Variants in CAMTA1 observed in about 807,000 individuals in gnomAD.
CAMTA1 encodes calmodulin binding transcription activator 1.
CAMTA1 carries 27 observed loss-of-function variants against 170.9 expected under a neutral mutation model. The observed-to-expected ratio is 0.16, with a 90% CI of 0.12 to 0.22. CAMTA1 has a LOEUF of 0.22. CAMTA1 is among the 10% of genes least tolerant of loss of function. The pLI is 1.00. For synonymous variants in CAMTA1, 833 were observed against 891.5 expected (o/e 0.93, Z 1.17); for missense variants, 1,619 against 2,217.2 (o/e 0.73, Z 5.42).
At chr1:6,806,971 T>A (rs1380755732) in intron 1 of CAMTA1, 2 of 555,758 alleles carry the variant, frequency 3.6e-6, no homozygotes, top group Non-Finnish European at 6.6e-6. Context: ...ACAAAGTGCC[T>A]ATCTGTGCCA....
Position 7,523,894 on chromosome 1 carries a change from T to A in CAMTA1, c.510+55993T>A, listed in dbSNP as rs544945792. Among the ~76,000 whole-genome samples the A allele has an allele frequency of 7.9e-3, 980 of 124,494 alleles. 12 individuals are homozygous for A. Among genetic ancestry groups the A allele is most frequent in the African/African-American group, 0.023 (735 of 32,540 alleles). 81.7% of individuals were successfully genotyped at this position (124,494 alleles called of 152,430 possible). ...TGAGACTCTATCTCGAAAAAAAAAA[T>A]AATAATAATAATAATTTCATTTTCT... is the stretch of plus-strand genomic sequence containing the variant. On this transcript the variant is annotated intron_variant, in intron 6 of 22. Coordinates refer to ENST00000303635, the MANE Select transcript of CAMTA1 (RefSeq NM_015215.4).
intron 3 of CAMTA1, among the ~76,000 whole-genome samples, chr1:7,076,057 G>A (rs1195175290): frequency 1.3e-5 from 2 of 152,140 alleles, no homozygotes; most frequent in South Asian, 2.1e-4. Context: ...TATGGCTTAT[G>A]TTCCCTTTAA....
chr1:7,260,770 C>T (rs1429751551), intron 5 of CAMTA1, among the ~76,000 whole-genome samples: 1 of 152,212 alleles, frequency 6.6e-6, no homozygotes, highest in Non-Finnish European at 1.5e-5. Flanking sequence ...GCTATTTGTC[C>T]ATGTTTAAGT....
At chr1:6,909,064 C>T (rs1210230509) in intron 3 of CAMTA1, among the ~76,000 whole-genome samples, 1 of 152,110 alleles carries the variant, frequency 6.6e-6, no homozygotes, top group African/African-American at 2.4e-5. Flanking sequence ...AATTTTTTTC[C>T]AATGGTGACA....
intron 5 of CAMTA1, among the ~76,000 whole-genome samples, chr1:7,298,837 G>T (rs1379507715): frequency 6.6e-6 from 1 of 152,146 alleles, no homozygotes; most frequent in Non-Finnish European, 1.5e-5. Context: ...AGTCCCTAAT[G>T]GGCTCAGAAG....
At chr1:6,875,436 C>T (rs1669558413) in intron 3 of CAMTA1, among the ~76,000 whole-genome samples, 1 of 152,128 alleles carries the variant, frequency 6.6e-6, no homozygotes, top group Non-Finnish European at 1.5e-5. Flanking sequence ...GCGCCCGCGA[C>T]CACACCTAGC....
At chr1:7,205,139 C>T (rs1326155907) in intron 4 of CAMTA1, among the ~76,000 whole-genome samples, 1 of 150,370 alleles carries the variant, frequency 6.7e-6, no homozygotes, top group Non-Finnish European at 1.5e-5. Flanking sequence ...CAGAGTTTCA[C>T]TCTTGTTGTC....
chr1:7,156,922 A>G (rs1646917766), intron 4 of CAMTA1, among the ~76,000 whole-genome samples: 2 of 152,226 alleles, frequency 1.3e-5, no homozygotes, highest in Admixed American at 6.5e-5. Context: ...AGGCCAGCAG[A>G]AACTGTAAGA....
At chr1:7,103,936 A>G (rs530982418) in intron 4 of CAMTA1, among the ~76,000 whole-genome samples, 1 of 149,576 alleles carries the variant, frequency 6.7e-6, no homozygotes, top group South Asian at 2.1e-4. Flanking sequence ...ACAACTACAC[A>G]CATACAGCAC....
chr1:7,091,245 C>A, intron 3 of CAMTA1, 59 bp from the exon 4 acceptor site: 1 of 1,268,938 alleles, frequency 7.9e-7, no homozygotes, highest in Non-Finnish European at 1.1e-6. Flanking sequence ...AACTTTCTTA[C>A]CTCTCAGGAT....
chr1:7,410,452 C>T lies in CAMTA1; in HGVS notation c.439-57378C>T, dbSNP rs978785459. On this transcript the variant is annotated intron_variant, in intron 5 of 22. Coordinates refer to ENST00000303635, the MANE Select transcript of CAMTA1 (RefSeq NM_015215.4). Reference sequence around the variant, plus strand: ...GTGGGTGCAGAGTGACACGTGGAGCCCATCTGATGGCTTTTGCGTTTGAAC... The same window carrying T: ...GTGGGTGCAGAGTGACACGTGGAGCTCATCTGATGGCTTTTGCGTTTGAAC... Among the ~76,000 whole-genome samples the T allele has an allele frequency of 7.9e-5, 12 of 152,348 alleles. No individual in the cohort carries two copies. In the South Asian group the frequency reaches 2.3e-3, roughly 29 times the overall value.
intron 4 of CAMTA1, among the ~76,000 whole-genome samples, chr1:7,177,875 G>A (rs76767153): frequency 0.02 from 3,052 of 150,128 alleles, 105 homozygotes; most frequent in African/African-American, 0.071. Flanking sequence ...CACACACTGC[G>A]CCTCCTCCCC....
chr1:6,807,892 A>G (rs1165124163), intron 1 of CAMTA1, among the ~76,000 whole-genome samples: 1 of 152,058 alleles, frequency 6.6e-6, no homozygotes, highest in Non-Finnish European at 1.5e-5. Context: ...CTGTAGTGAC[A>G]GAAGTCTGTA....
At chr1:7,450,499 C>T (rs149288586) in intron 5 of CAMTA1, among the ~76,000 whole-genome samples, 3 of 152,330 alleles carry the variant, frequency 2.0e-5, no homozygotes, top group African/African-American at 7.2e-5. Context: ...GCAGCTTTCA[C>T]ACCTTGTAAG....
intron 15 of CAMTA1, among the ~76,000 whole-genome samples, 154 bp downstream of exon 15, chr1:7,737,724 C>G (rs1016931072): frequency 6.6e-6 from 1 of 152,126 alleles, no homozygotes. Flanking sequence ...AGTGCTGCCC[C>G]CTCCCCCAGT....
intron 5 of CAMTA1, among the ~76,000 whole-genome samples, chr1:7,421,359 G>A (rs970906913): frequency 6.6e-6 from 1 of 152,112 alleles, no homozygotes; most frequent in African/African-American, 2.4e-5. Context: ...TTGCCATGTT[G>A]GCCGGGATGG....
intron 4 of CAMTA1, among the ~76,000 whole-genome samples, chr1:7,152,075 A>G (rs1370237393): frequency 6.6e-6 from 1 of 152,188 alleles, no homozygotes; most frequent in African/African-American, 2.4e-5. Context: ...TCACAGCAAT[A>G]AATGTATTAG....
intron 5 of CAMTA1, among the ~76,000 whole-genome samples, chr1:7,272,692 CAAAAAAAAAA>C (rs371588178): frequency 5.2e-5 from 2 of 38,802 alleles, no homozygotes; most frequent in African/African-American, 1.9e-4. Context: ...TAAACACATG[CAAAAAAAAAA>C]AAAAAAAAAA....
At position 7,246,762 on chromosome 1, in the gene CAMTA1, G is replaced by T. The variant is rs563786785; in HGVS notation, c.303-2729G>T. On this transcript the variant is annotated intron_variant, in intron 4 of 22. Coordinates refer to ENST00000303635, the MANE Select transcript of CAMTA1 (RefSeq NM_015215.4). ...GCTCACTGCAACCTCTGCCTCCCAGGTTCAAAAGATTCTCCTGCCTCAGCC... is the reference window on the plus strand; with the variant it reads ...GCTCACTGCAACCTCTGCCTCCCAGTTTCAAAAGATTCTCCTGCCTCAGCC... Among the ~76,000 whole-genome samples, 52 of 138,140 alleles carry T rather than the reference G, an allele frequency of 3.8e-4. 2 individuals carry two copies. In the South Asian group the frequency reaches 0.012, roughly 32 times the overall value. 90.6% of individuals were successfully genotyped at this position (138,140 alleles called of 152,430 possible).
Sources: allele counts gnomAD v4.1 joint callset (sites outside exome capture counted in the v4.1 genomes callset), GRCh38; gene constraint gnomAD v4.1.1; transcripts MANE v1.5; gene names NCBI Gene and HGNC (gene_info 2026-07-23, HGNC 2026-07-21).